ARB2A: variants seen among roughly 807,000 people sequenced by gnomAD.
ARB2A encodes cotranscriptional regulator ARB2A.
chr5:93,671,546 T>G, the ARB2A span, among the ~76,000 whole-genome samples: 1 of 152,076 alleles, frequency 6.6e-6, no homozygotes, highest in East Asian at 1.9e-4. Context: ...AAAGTAGGAT[T>G]TACAATTCTA....
the ARB2A span, among the ~76,000 whole-genome samples, chr5:93,665,606 G>A: frequency 6.6e-6 from 1 of 152,194 alleles, no homozygotes; most frequent in Non-Finnish European, 1.5e-5. Context: ...TAGAATGTGA[G>A]CTGATAAAAC....
chr5:93,636,185 T>C, the ARB2A span, among the ~76,000 whole-genome samples: 2 of 152,324 alleles, frequency 1.3e-5, no homozygotes, highest in Non-Finnish European at 2.9e-5. Context: ...TCTTGCTTTG[T>C]GGCCACTAGA....
the ARB2A span, among the ~76,000 whole-genome samples, chr5:93,925,083 AAAG>A: frequency 1.3e-5 from 2 of 152,228 alleles, no homozygotes; most frequent in Non-Finnish European, 2.9e-5. Context: ...TCATTAAAAA[AAAG>A]AACACTTAGC....
chr5:93,642,684 T>TA, the ARB2A span, among the ~76,000 whole-genome samples: 26 of 151,892 alleles, frequency 1.7e-4, 1 homozygote, highest in Admixed American at 1.3e-3. Context: ...CCCAGCTAAT[T>TA]AAAAAAAATT....
chr5:93,943,476 C>G, the ARB2A span, among the ~76,000 whole-genome samples: 1 of 152,134 alleles, frequency 6.6e-6, no homozygotes, highest in East Asian at 1.9e-4. Flanking sequence ...ACTCCACACT[C>G]TGTTTAGACT....
chr5:93,723,209 C>T, the ARB2A span, among the ~76,000 whole-genome samples: 1 of 152,090 alleles, frequency 6.6e-6, no homozygotes, highest in Non-Finnish European at 1.5e-5. Context: ...CAAATCTCAC[C>T]AGCTAAGGCA....
At chr5:94,034,807 G>C in the ARB2A span, among the ~76,000 whole-genome samples, 1 of 152,126 alleles carries the variant, frequency 6.6e-6, no homozygotes, top group Admixed American at 6.5e-5. Flanking sequence ...GTTAGGAACC[G>C]GGCTGCACAG....
the ARB2A span, among the ~76,000 whole-genome samples, chr5:93,793,141 C>G: frequency 6.6e-6 from 1 of 151,370 alleles, no homozygotes; most frequent in Non-Finnish European, 1.5e-5. Context: ...GGTAGGATCA[C>G]AGCTTACTGT....
chr5:93,952,008 A>G, the ARB2A span, among the ~76,000 whole-genome samples: 15 of 152,294 alleles, frequency 9.8e-5, no homozygotes, highest in African/African-American at 3.6e-4. Flanking sequence ...TATCACACAC[A>G]CATGATCTAT....
At chr5:93,732,570 T>C in the ARB2A span, among the ~76,000 whole-genome samples, 1 of 151,858 alleles carries the variant, frequency 6.6e-6, no homozygotes, top group African/African-American at 2.4e-5. Flanking sequence ...CTCTTTAACA[T>C]TAATGGGCCT....
the ARB2A span, chr5:93,776,232 A>G: frequency 1.1e-5 from 17 of 1,610,690 alleles, no homozygotes; most frequent in Non-Finnish European, 1.4e-5. Context: ...TAGAGACCCA[A>G]TTACAACAGT....
the ARB2A span, among the ~76,000 whole-genome samples, chr5:94,069,384 T>C: frequency 6.6e-6 from 1 of 152,152 alleles, no homozygotes; most frequent in African/African-American, 2.4e-5. Context: ...TAGGCAAAGA[T>C]TTTTATGGTT....
the ARB2A span, among the ~76,000 whole-genome samples, chr5:93,926,207 G>A: frequency 5.9e-5 from 9 of 151,272 alleles, no homozygotes; most frequent in African/African-American, 2.2e-4. Flanking sequence ...TCGGCTCACC[G>A]CAACCTCTGC....
the ARB2A span, chr5:93,784,323 G>T: frequency 8.4e-7 from 1 of 1,186,354 alleles, no homozygotes; most frequent in Non-Finnish European, 1.2e-6. Context: ...GGTTGGTGGG[G>T]GCTCAAGATA....
the ARB2A span, among the ~76,000 whole-genome samples, chr5:93,704,158 T>C: frequency 3.3e-5 from 5 of 152,190 alleles, no homozygotes; most frequent in African/African-American, 4.8e-5. Context: ...AAGATAATGA[T>C]AGGTTTTCTT....
chr5:93,776,041 C>A, the ARB2A span: 2 of 791,452 alleles, frequency 2.5e-6, no homozygotes, highest in African/African-American at 1.7e-5. Flanking sequence ...ACCAATAATT[C>A]ATCTAACAAC....
chr5:94,080,019 C>T, the ARB2A span, among the ~76,000 whole-genome samples: 2 of 152,052 alleles, frequency 1.3e-5, no homozygotes, highest in East Asian at 3.9e-4. Flanking sequence ...AGAAATTAAA[C>T]AAAGACTAAG....
the ARB2A span, chr5:93,735,322 T>C: frequency 1.3e-5 from 2 of 152,208 alleles, no homozygotes; most frequent in African/African-American, 4.8e-5. Flanking sequence ...TTTTAAATTA[T>C]GTGAAGCTGA....
At chr5:93,709,745 C>CAT in the ARB2A span, among the ~76,000 whole-genome samples, 1 of 150,058 alleles carries the variant, frequency 6.7e-6, no homozygotes, top group African/African-American at 2.5e-5. Context: ...GCTATAAATC[C>CAT]ATAGAAATTA....
Sources: gnomAD v4.1 joint callset for allele counts (sites outside exome capture counted in the v4.1 genomes callset) on GRCh38, gnomAD v4.1.1 for gene constraint, MANE v1.5 for transcripts, NCBI Gene and HGNC (gene_info 2026-07-23, HGNC 2026-07-21) for gene names.